Variants in CENPU observed in about 807,000 individuals in gnomAD.
CENPU encodes the protein centromere protein U, also known as KSHV latent nuclear antigen interacting protein 1.
A neutral mutation model predicts 56.7 loss-of-function variants in CENPU; 46 were observed. That is an observed-to-expected ratio of 0.81 (90% CI 0.64 to 1.04). CENPU has a LOEUF of 1.04. Among genes scored for constraint, CENPU ranks in the 50% least tolerant of loss-of-function variants. CENPU has a pLI of 0.00. For synonymous variants in CENPU, 166 were observed against 163.0 expected (o/e 1.02, Z -0.14); for missense variants, 510 against 490.1 (o/e 1.04, Z -0.38).
intron 8 of CENPU, 45 bp from the exon 9 acceptor site, chr4:184,702,486 G>A: frequency 7.0e-7 from 1 of 1,429,258 alleles, no homozygotes; most frequent in Non-Finnish European, 9.7e-7. Flanking sequence ...GATGGATTTT[G>A]AAAGGTGTTT....
chr4:184,717,208 A>C lies in CENPU; in HGVS notation c.321-12T>G. On this transcript the variant is annotated splice_polypyrimidine_tract_variant and intron_variant, in intron 4 of 12. Transcript: ENST00000281453. ...CAGAAGTGTCTGAACTGTAAAAAGT[A>C]CAAGCCATCAATATCTTGTACACAT... 6.2e-7 allele frequency: 1 copy of C among 1,606,176 alleles called. No homozygotes were observed. Among genetic ancestry groups the C allele is most frequent in the Non-Finnish European group, 8.5e-7 (1 of 1,175,328 alleles).
chr4:184,702,287 T>C (rs889875826), intron 9 of CENPU, 76 bp downstream of exon 9: 1 of 1,441,042 alleles, frequency 6.9e-7, no homozygotes, highest in Non-Finnish European at 9.7e-7. Flanking sequence ...ATGCAAGCTT[T>C]TCTAAGACAA....
intron 11 of CENPU, among the ~76,000 whole-genome samples, chr4:184,699,180 A>G (rs551552901): frequency 9.9e-5 from 15 of 152,064 alleles, no homozygotes; most frequent in African/African-American, 3.6e-4. Flanking sequence ...ACAAAAAAAA[A>G]TTAGCCGGGC....
rs1249167775 is a variant in CENPU at position 184,705,170 on chromosome 4, A to G, written c.798-2729T>C. ...TGTTAACAGCCCCAAACTGGAAACAACCCAAATTCCTTCAATGGGTGAATG... is the reference window on the plus strand; with the variant it reads ...TGTTAACAGCCCCAAACTGGAAACAGCCCAAATTCCTTCAATGGGTGAATG... On this transcript the variant is annotated intron_variant, in intron 8 of 12. Transcript: ENST00000281453. 2.0e-5 allele frequency among the ~76,000 whole-genome samples: 3 copies of G among 152,236 alleles called. No individual in the cohort carries two copies. The South Asian group carries it at 6.2e-4, about 31-fold the overall frequency.
rs201188946 is a variant in CENPU at position 184,717,122 on chromosome 4, A to C, written c.381+14T>G. 3.6e-4 allele frequency: 575 copies of C among 1,576,390 alleles called. 1 individual carries two copies. The highest frequency in any genetic ancestry group is 4.6e-4 in the Non-Finnish European group (525 of 1,148,846). The stretch of plus-strand genomic sequence containing the variant: ...ATTACAAATTAAAGTAGAAGAGTGA[A>C]TACTCCTACATACCTTTTTTGCACT... On this transcript the variant is annotated intron_variant, in intron 5 of 12. Coordinates refer to ENST00000281453, the MANE Select transcript of CENPU (RefSeq NM_024629.4).
At chr4:184,700,212 C>T (rs545347716) in intron 11 of CENPU, among the ~76,000 whole-genome samples, 10 of 152,294 alleles carry the variant, frequency 6.6e-5, no homozygotes, top group Admixed American at 2.0e-4. Flanking sequence ...CAGCCCTGGC[C>T]TGCAGGGCCT....
intron 7 of CENPU, 52 bp from the exon 8 acceptor site, chr4:184,710,232 G>T: frequency 8.0e-7 from 1 of 1,247,678 alleles, no homozygotes; most frequent in South Asian, 1.3e-5. Context: ...TTGGCTGTAG[G>T]TCCAGGGTTC....
At chr4:184,710,214 T>C (rs765431884) in intron 7 of CENPU, 34 bp from the exon 8 acceptor site, 2 of 1,467,948 alleles carry the variant, frequency 1.4e-6, no homozygotes, top group East Asian at 2.3e-5. Context: ...ATGCTGGTTA[T>C]TCATATTTTG....
At chr4:184,714,890 T>C (rs529793234) in intron 6 of CENPU, among the ~76,000 whole-genome samples, 1 of 147,928 alleles carries the variant, frequency 6.8e-6, no homozygotes, top group East Asian at 1.9e-4. Context: ...CCATGCCCCA[T>C]CACCAAAAAC....
intron 6 of CENPU, 45 bp downstream of exon 6, chr4:184,716,352 C>T: frequency 7.4e-7 from 1 of 1,357,138 alleles, no homozygotes; most frequent in Admixed American, 2.2e-5. Context: ...CAAAATTTTT[C>T]AATAAACTTT....
chr4:184,707,509 C>T (rs558857864), intron 8 of CENPU, among the ~76,000 whole-genome samples: 2 of 152,300 alleles, frequency 1.3e-5, no homozygotes, highest in South Asian at 4.1e-4. Flanking sequence ...CCAGCCAAAC[C>T]CCCATGCTGG....
At chr4:184,716,699 T>A in intron 5 of CENPU, 66 bp from the exon 6 acceptor site, 1 of 1,235,842 alleles carries the variant, frequency 8.1e-7, no homozygotes, top group Non-Finnish European at 1.2e-6. Flanking sequence ...CTTACTGTAA[T>A]AGTAGAAAAC....
At chr4:184,695,629 C>T (rs1411311783) in intron 12 of CENPU, among the ~76,000 whole-genome samples, 1 of 152,182 alleles carries the variant, frequency 6.6e-6, no homozygotes, top group South Asian at 2.1e-4. Flanking sequence ...AACTGATCTT[C>T]TTATCCCAGA....
intron 11 of CENPU, among the ~76,000 whole-genome samples, chr4:184,699,785 C>G (rs1323817392): frequency 6.6e-6 from 1 of 152,026 alleles, no homozygotes; most frequent in Non-Finnish European, 1.5e-5. Context: ...CTCAACCTCC[C>G]GAGTAGCTTG....
intron 1 of CENPU, among the ~76,000 whole-genome samples, chr4:184,731,892 T>TGTGTGTGTGTGTGTGTGC (rs1239351834): frequency 6.6e-6 from 1 of 151,154 alleles, no homozygotes; most frequent in Non-Finnish European, 1.5e-5. Context: ...TCTGTGTGTG[T>TGTGTGTGTGTGTGTGTGC]GTGTGTGTGT....
At chr4:184,713,433 C>A (rs552484537) in intron 6 of CENPU, among the ~76,000 whole-genome samples, 17 of 152,254 alleles carry the variant, frequency 1.1e-4, no homozygotes, top group African/African-American at 4.1e-4. Flanking sequence ...TCATTTAGTT[C>A]TAAAACAGAT....
rs186185298 is a variant in CENPU, at chr4:184,723,014, T to C, written c.320+1943A>G. On this transcript the variant is annotated intron_variant, in intron 4 of 12. Coordinates refer to ENST00000281453, the MANE Select transcript of CENPU (RefSeq NM_024629.4). ...GTTTCATTTGACTCAGAATTTAACT[T>C]TTATGACTATATCCTATAGATACAC... 8.3e-4 allele frequency among the ~76,000 whole-genome samples: 126 copies of C among 152,272 alleles called. 1 individual carries two copies. The highest frequency in any genetic ancestry group is 9.7e-4 in the Non-Finnish European group (66 of 68,028).
At chr4:184,732,105 A>T (rs943434774) in intron 1 of CENPU, among the ~76,000 whole-genome samples, 10 of 152,256 alleles carry the variant, frequency 6.6e-5, no homozygotes, top group East Asian at 3.9e-4. Flanking sequence ...CAGCATTTTT[A>T]AAAAAACAAA....
At position 184,710,084 on chromosome 4, in the gene CENPU, T is replaced by C; in HGVS notation, c.785A>G (p.His262Arg). The change falls in exon 8 of 13, where the codon CAC becomes CGC. Residue 262 changes from histidine (H) to arginine (R), a missense_variant. Coordinates refer to ENST00000281453, the MANE Select transcript of CENPU (RefSeq NM_024629.4). ...TCAAAAGACTTACTGATGCTCTAGGTGGGTTTTCTCAAATTCAGGCAAAAC... is the reference window on the plus strand; with the variant it reads ...TCAAAAGACTTACTGATGCTCTAGGCGGGTTTTCTCAAATTCAGGCAAAAC... ...NIVLPEFEKT[H>R]LEHQQRIESK... The C allele has an allele frequency of 6.2e-7, 1 of 1,602,768 alleles. No homozygotes were observed. Among genetic ancestry groups the C allele is most frequent in the Non-Finnish European group, 8.5e-7 (1 of 1,170,864 alleles).
Sources: gnomAD v4.1 joint callset for allele counts (sites outside exome capture counted in the v4.1 genomes callset) on GRCh38, gnomAD v4.1.1 for gene constraint, MANE v1.5 for transcripts, NCBI Gene and HGNC (gene_info 2026-07-23, HGNC 2026-07-21) for gene names.